Variants in LRBA observed in about 807,000 individuals in gnomAD.
LRBA encodes the protein lipopolysaccharide-responsive and beige-like anchor protein.
In LRBA, 176 loss-of-function variants were observed where a neutral mutation model predicts 330.0. The observed-to-expected ratio is 0.53, with a 90% CI of 0.47 to 0.60. LRBA has a LOEUF of 0.60. LRBA is among the 20% of genes least tolerant of loss of function. The pLI is 0.00. For synonymous variants in LRBA, 1,230 were observed against 1,193.0 expected, an observed-to-expected ratio of 1.03 and a Z score of -0.64; for missense variants, 3,259 against 3,444.8, an observed-to-expected ratio of 0.95 and a Z score of 1.35.
chr4:150,725,014 C>A (rs1398604264), intron 36 of LRBA, among the ~76,000 whole-genome samples: 4 of 150,614 alleles, frequency 2.7e-5, no homozygotes, highest in Admixed American at 2.6e-4. Context: ...CAGAACTGAT[C>A]AAGAAGGAAG....
intron 37 of LRBA, among the ~76,000 whole-genome samples, chr4:150,625,680 A>T (rs1776775798): frequency 6.7e-6 from 1 of 148,280 alleles, no homozygotes; most frequent in South Asian, 2.1e-4. Flanking sequence ...GAATCCTGGT[A>T]CCGAGATTAT....
At chr4:150,982,270 T>C (rs1340656606) in intron 2 of LRBA, among the ~76,000 whole-genome samples, 1 of 152,168 alleles carries the variant, frequency 6.6e-6, no homozygotes, top group African/African-American at 2.4e-5. Context: ...TAAATGTGCT[T>C]AATTATAATT....
At chr4:150,592,496 T>C (rs1269105940) in intron 38 of LRBA, among the ~76,000 whole-genome samples, 2 of 152,132 alleles carry the variant, frequency 1.3e-5, no homozygotes, top group Non-Finnish European at 2.9e-5. Flanking sequence ...GCTTTCTATA[T>C]TTACCTTTAA....
intron 22 of LRBA, among the ~76,000 whole-genome samples, chr4:150,862,461 T>A (rs984193812): frequency 6.6e-6 from 1 of 151,870 alleles, no homozygotes; most frequent in African/African-American, 2.4e-5. Flanking sequence ...TTCTCACTCA[T>A]AGGTGGGAAT....
Position 150,651,615 on chromosome 4 carries a change from A to C in LRBA, c.5921+31936T>G, listed in dbSNP as rs1479973058. Among the ~76,000 whole-genome samples the C allele has an allele frequency of 2.0e-5, 3 of 152,248 alleles. No individual in the cohort carries two copies. The East Asian group carries it at 5.8e-4, about 29-fold the overall frequency. On this transcript the variant is annotated intron_variant, in intron 37 of 56. Transcript: ENST00000651943. ...CCTAGACCAAGTTTGTCTTGTTCCT[A>C]ACTGTATCAGAGCACCCAGCACAAA...
intron 48 of LRBA, among the ~76,000 whole-genome samples, chr4:150,329,397 C>T (rs1414418100): frequency 6.6e-6 from 1 of 151,818 alleles, no homozygotes; most frequent in Admixed American, 6.6e-5. Flanking sequence ...TTTTAAAATT[C>T]ATTTGCCATT....
intron 2 of LRBA, 36 bp from the exon 3 acceptor site, chr4:150,929,101 T>G (rs374303287): frequency 3.0e-6 from 4 of 1,333,590 alleles, no homozygotes; most frequent in Non-Finnish European, 3.2e-6. Context: ...TTAAAAGCAT[T>G]AGTATCCTCA....
intron 17 of LRBA, among the ~76,000 whole-genome samples, chr4:150,890,484 AAAGC>A (rs1214418363): frequency 6.6e-6 from 1 of 152,230 alleles, no homozygotes; most frequent in Non-Finnish European, 1.5e-5. Flanking sequence ...GGATTAAAAA[AAAGC>A]AAGATCACAG....
chr4:150,838,437 G>A (rs946582264), intron 28 of LRBA, among the ~76,000 whole-genome samples: 4 of 152,232 alleles, frequency 2.6e-5, no homozygotes, highest in African/African-American at 4.8e-5. Context: ...CCAATCAGAC[G>A]TAGATTTGGT....
At position 150,831,922 on chromosome 4, in the gene LRBA, C is replaced by A. The variant is rs1475307361; in HGVS notation, c.4624G>T (p.Val1542Phe). The change falls in exon 29 of 57, where the codon GTT (valine) becomes TTT (phenylalanine). Residue 1542 changes from valine to phenylalanine, a missense_variant. Transcript: ENST00000651943. Reference sequence around the variant, plus strand: ...TCTCTGTACTTGGAGACCATAAGAACAGAGATAAAGTATACTACTGCCAAG... The same window carrying A: ...TCTCTGTACTTGGAGACCATAAGAAAAGAGATAAAGTATACTACTGCCAAG... ...LALAVVYFIS[V>F]LMVSKYRDIL... 4 of 1,600,090 alleles carry A rather than the reference C, an allele frequency of 2.5e-6. No homozygotes were observed. The highest frequency in any genetic ancestry group is 3.4e-6 in the Non-Finnish European group (4 of 1,172,534).
intron 2 of LRBA, among the ~76,000 whole-genome samples, chr4:151,000,084 A>G (rs1011158851): frequency 2.0e-5 from 3 of 151,978 alleles, no homozygotes; most frequent in African/African-American, 7.3e-5. Context: ...TTAGAACAAT[A>G]CACAGTTTCC....
chr4:150,868,284 G>T lies in LRBA; in HGVS notation c.2471C>A (p.Thr824Asn), dbSNP rs1341720949. The change falls in exon 21 of 57, where the codon ACC becomes AAC. Residue 824 changes from threonine (T) to asparagine (N), a missense_variant. Thr to Asn is a moderately conservative substitution (Grantham distance 65, BLOSUM62 0). Transcript: ENST00000651943. ...QNPQILKVIA[T>N]LLRNSPQCPE... ...GCACTGGGGAGAATTTCGAAGTAGG[G>T]TCGCAATTACTTTTAGTATCTCTGT... The T allele has an allele frequency of 6.2e-7, 1 of 1,611,362 alleles. No individual in the cohort carries two copies. The highest frequency in any genetic ancestry group is 8.5e-7 in the Non-Finnish European group (1 of 1,178,288).
At chr4:150,922,552 G>C (rs914994880) in intron 4 of LRBA, among the ~76,000 whole-genome samples, 1 of 152,184 alleles carries the variant, frequency 6.6e-6, no homozygotes, top group East Asian at 1.9e-4. Flanking sequence ...TCACTGATAT[G>C]TGGGAGCTAA....
chr4:150,426,399 T>C (rs1428410475), intron 46 of LRBA, among the ~76,000 whole-genome samples: 1 of 152,032 alleles, frequency 6.6e-6, no homozygotes, highest in Non-Finnish European at 1.5e-5. Context: ...AGATAAATGA[T>C]AATCTATTTC....
At chr4:150,935,032 C>A (rs1407128725) in intron 2 of LRBA, among the ~76,000 whole-genome samples, 7 of 149,054 alleles carry the variant, frequency 4.7e-5, no homozygotes, top group African/African-American at 1.7e-4. Flanking sequence ...AAAAATTAGC[C>A]AGGTGTGGTG....
At chr4:150,654,581 T>C (rs1779999034) in intron 37 of LRBA, among the ~76,000 whole-genome samples, 1 of 152,182 alleles carries the variant, frequency 6.6e-6, no homozygotes, top group African/African-American at 2.4e-5. Context: ...TTAGGGTACA[T>C]GGGCACAACG....
intron 40 of LRBA, among the ~76,000 whole-genome samples, chr4:150,529,936 T>C (rs1479499157): frequency 6.6e-6 from 1 of 152,216 alleles, no homozygotes; most frequent in Non-Finnish European, 1.5e-5. Flanking sequence ...TACTTTTCTT[T>C]CTAGAGTATT....
chr4:150,693,770 A>G (rs1411239630), intron 36 of LRBA, among the ~76,000 whole-genome samples: 2 of 152,060 alleles, frequency 1.3e-5, no homozygotes, highest in Non-Finnish European at 2.9e-5. Flanking sequence ...AAATTAAATT[A>G]ATGATGTTAA....
In LRBA at chr4:150,751,395, T is replaced by C. The variant is rs556306529; in HGVS notation, c.5645+10388A>G. On this transcript the variant is annotated intron_variant, in intron 35 of 56. Transcript: ENST00000651943. ...TTTGTCCTTTCATTAATGAAAATAT[T>C]AAAATGACTTCAAAAATTAAACTAA... Among the ~76,000 whole-genome samples, 4 of 152,228 alleles carry C rather than the reference T, an allele frequency of 2.6e-5. No homozygotes were observed. The South Asian group carries it at 6.2e-4, about 24-fold the overall frequency.
Sources: allele counts gnomAD v4.1 joint callset (sites outside exome capture counted in the v4.1 genomes callset), GRCh38; gene constraint gnomAD v4.1.1; transcripts MANE v1.5; gene names NCBI Gene and HGNC (gene_info 2026-07-23, HGNC 2026-07-21).